EIF3H: variants seen among roughly 807,000 people sequenced by gnomAD.
EIF3H encodes eukaryotic translation initiation factor 3 subunit H.
EIF3H carries 26 observed loss-of-function variants against 44.2 expected under a neutral mutation model. The ratio of observed to expected loss-of-function variants is 0.59; its 90% CI spans 0.43 to 0.82. The LOEUF is 0.82. EIF3H is among the 40% of genes least tolerant of loss of function. The probability of loss-of-function intolerance (pLI) is 0.00; values close to 1 mark genes in which losing one functional copy is unlikely to be tolerated. For missense variants in EIF3H, 359 were observed against 432.8 expected (o/e 0.83, Z 1.51); for synonymous variants, 166 against 151.9 (o/e 1.09, Z -0.68).
intron 2 of EIF3H, among the ~76,000 whole-genome samples, chr8:116,677,031 A>G (rs1471503289): frequency 6.6e-6 from 1 of 152,190 alleles, no homozygotes; most frequent in East Asian, 1.9e-4. Flanking sequence ...AAATTTATCC[A>G]GCATAATTAA....
At chr8:116,668,928 T>C (rs923574707) in intron 2 of EIF3H, among the ~76,000 whole-genome samples, 2 of 152,144 alleles carry the variant, frequency 1.3e-5, no homozygotes, top group Non-Finnish European at 2.9e-5. Context: ...AAGGAAATGT[T>C]TGTGTAGAAT....
intron 2 of EIF3H, among the ~76,000 whole-genome samples, chr8:116,708,953 T>C (rs1019136098): frequency 1.3e-5 from 2 of 151,966 alleles, no homozygotes; most frequent in African/African-American, 4.8e-5. Context: ...GCTGTTGAAC[T>C]TGTACCTCCT....
chr8:116,691,377 A>G (rs1269001550), intron 2 of EIF3H, among the ~76,000 whole-genome samples: 2 of 152,070 alleles, frequency 1.3e-5, no homozygotes, highest in Non-Finnish European at 2.9e-5. Flanking sequence ...GGTGCTGGGT[A>G]TTACTCTGTC....
chr8:116,688,789 AG>A (rs1814123961), intron 2 of EIF3H, among the ~76,000 whole-genome samples: 1 of 152,194 alleles, frequency 6.6e-6, no homozygotes, highest in Admixed American at 6.5e-5. Flanking sequence ...TGCAACAAAA[AG>A]TTTTTAAATA....
intron 1 of EIF3H, among the ~76,000 whole-genome samples, chr8:116,762,672 G>A (rs1006824755): frequency 1.3e-5 from 2 of 152,134 alleles, no homozygotes; most frequent in Admixed American, 6.5e-5. Context: ...TGTGGCTCAC[G>A]CCTGTAATCC....
At chr8:116,692,721 A>G (rs568713508) in intron 2 of EIF3H, among the ~76,000 whole-genome samples, 35 of 152,300 alleles carry the variant, frequency 2.3e-4, no homozygotes, top group Admixed American at 6.5e-4. Context: ...ATTTATTTTA[A>G]AAGACTGTAT....
chr8:116,669,145 C>A (rs189380393), intron 2 of EIF3H, among the ~76,000 whole-genome samples: 25 of 152,174 alleles, frequency 1.6e-4, no homozygotes, highest in Admixed American at 4.6e-4. Flanking sequence ...AAAAAACAAT[C>A]TACCATGAGA....
intron 3 of EIF3H, 46 bp downstream of exon 3, chr8:116,658,767 T>C: frequency 6.3e-7 from 1 of 1,579,164 alleles, no homozygotes; most frequent in Non-Finnish European, 8.6e-7. Flanking sequence ...GCAAAAATAG[T>C]AGTAATAATA....
chr8:116,662,459 A>C (rs937384274), intron 2 of EIF3H, among the ~76,000 whole-genome samples: 1 of 152,158 alleles, frequency 6.6e-6, no homozygotes. Flanking sequence ...GCTCACTTTG[A>C]TGTAATAAGG....
At chr8:116,693,296 A>G (rs545518050) in intron 2 of EIF3H, among the ~76,000 whole-genome samples, 1 of 152,372 alleles carries the variant, frequency 6.6e-6, no homozygotes, top group East Asian at 1.9e-4. Flanking sequence ...AGAAAATTTT[A>G]GCAACTGCTT....
chr8:116,756,078 A>G (rs944825480), upstream of EIF3H: 18 of 1,360,104 alleles, frequency 1.3e-5, no homozygotes, highest in African/African-American at 1.9e-4. Context: ...AAACCGTCAT[A>G]ATAGCATTAC....
intron 2 of EIF3H, among the ~76,000 whole-genome samples, chr8:116,716,714 T>C (rs1814663861): frequency 6.6e-6 from 1 of 152,038 alleles, no homozygotes; most frequent in South Asian, 2.1e-4. Flanking sequence ...ACTGTGCCAC[T>C]GTAGCGGGAA....
chr8:116,760,695 A>G (rs970784938), upstream of EIF3H, among the ~76,000 whole-genome samples: 20 of 152,322 alleles, frequency 1.3e-4, no homozygotes, highest in South Asian at 4.1e-4. Context: ...GTGTAATTCA[A>G]TTATAAATAC....
rs770450687 is a variant in EIF3H at position 116,657,215 on chromosome 8, G to A, written c.557C>T (p.Ala186Val). 3.1e-6 allele frequency: 5 copies of A among 1,610,682 alleles called. No individual in the cohort carries two copies. The highest frequency in any genetic ancestry group is 2.2e-5 in the South Asian group (2 of 90,996). ...TTACCAGATGCCCCCAAACACTTAC[G>A]CTTCAGGGGAAAAATCCTTTTCTTT... is the stretch of plus-strand genomic sequence containing the variant. ...VCKEKDFSPE[A>V]LKKANITFEY... The change falls in exon 4 of 8, where the codon GCA (alanine) becomes GTA (valine). Residue 186 changes from alanine to valine, a missense_variant and splice_region_variant. Ala to Val is a moderately conservative substitution (Grantham distance 64). This residue lies in a region of EIF3H where 85 missense variants were observed against 79.2 expected (regional missense o/e 1.07). Coordinates refer to ENST00000521861, the MANE Select transcript of EIF3H (RefSeq NM_003756.3).
chr8:116,668,400 A>G (rs1328155060), intron 2 of EIF3H, among the ~76,000 whole-genome samples: 3 of 152,194 alleles, frequency 2.0e-5, no homozygotes, highest in African/African-American at 7.2e-5. Flanking sequence ...ATTTATTCTT[A>G]TCATCATTTT....
At chr8:116,703,407 T>C (rs1462657650) in intron 2 of EIF3H, among the ~76,000 whole-genome samples, 1 of 152,066 alleles carries the variant, frequency 6.6e-6, no homozygotes, top group African/African-American at 2.4e-5. Context: ...CCACCACCTC[T>C]TGTGGAAGGC....
intron 2 of EIF3H, chr8:116,697,299 AAAG>A (rs1394368818): frequency 2.4e-6 from 1 of 418,810 alleles, no homozygotes; most frequent in Non-Finnish European, 4.7e-6. Flanking sequence ...TAAAGTGTAA[AAAG>A]AAAAAAATTG....
chr8:116,650,610 C>T (rs1328148260), intron 5 of EIF3H, among the ~76,000 whole-genome samples: 1 of 152,140 alleles, frequency 6.6e-6, no homozygotes, highest in African/African-American at 2.4e-5. Flanking sequence ...CATGGATGAA[C>T]CTTGAAAACA....
intron 2 of EIF3H, among the ~76,000 whole-genome samples, chr8:116,692,396 A>G (rs985206011): frequency 1.3e-5 from 2 of 152,354 alleles, no homozygotes; most frequent in East Asian, 1.9e-4. Flanking sequence ...ATATTTTTCT[A>G]GGGCCTTGAT....
Sources: gnomAD v4.1 joint callset for allele counts (sites outside exome capture counted in the v4.1 genomes callset) on GRCh38, gnomAD v4.1.1 for gene constraint, gnomAD v4.1.1 regional missense constraint, MANE v1.5 for transcripts, NCBI Gene and HGNC (gene_info 2026-07-23, HGNC 2026-07-21) for gene names.